Variants in PIGL observed in about 807,000 individuals in gnomAD.
PIGL encodes the protein phosphatidylinositol glycan anchor biosynthesis class L.
Under a neutral mutation model 31.1 loss-of-function variants are expected in PIGL, and 22 were observed. The ratio of observed to expected loss-of-function variants is 0.71; its 90% confidence interval spans 0.51 to 1.01. The LOEUF (loss-of-function observed/expected upper bound fraction) is 1.01. Ranked by LOEUF, PIGL falls within the 50% of genes least tolerant of loss-of-function variation. The pLI is 0.00. For missense variants in PIGL, 302 were observed against 315.9 expected, an observed-to-expected ratio of 0.96 and a Z score of 0.33; for synonymous variants, 131 against 117.4, an observed-to-expected ratio of 1.12 and a Z score of -0.75.
At chr17:16,299,775 G>A in intron 2 of PIGL, 113 bp from the exon 3 acceptor site, 1 of 753,444 alleles carries the variant, frequency 1.3e-6, no homozygotes, top group Non-Finnish European at 2.4e-6. Flanking sequence ...TTAAGGGCAG[G>A]GACCCTTACC....
At chr17:16,240,327 T>C (rs761371639) in intron 2 of PIGL, among the ~76,000 whole-genome samples, 6 of 152,048 alleles carry the variant, frequency 3.9e-5, no homozygotes, top group Non-Finnish European at 7.4e-5. Flanking sequence ...CTCTTTTCCT[T>C]ATAAATTACC....
intron 2 of PIGL, among the ~76,000 whole-genome samples, chr17:16,235,290 G>A (rs976037892): frequency 2.6e-5 from 4 of 152,052 alleles, no homozygotes; most frequent in African/African-American, 9.7e-5. Context: ...TTTCGACAAG[G>A]ACCACACATT....
At chr17:16,275,304 A>T (rs1287184017) in intron 2 of PIGL, among the ~76,000 whole-genome samples, 1 of 152,182 alleles carries the variant, frequency 6.6e-6, no homozygotes, top group African/African-American at 2.4e-5. Flanking sequence ...TAGCATGCTG[A>T]TGCATTATAA....
intron 1 of PIGL, among the ~76,000 whole-genome samples, chr17:16,231,936 TA>T (rs986608636): frequency 1.3e-5 from 2 of 152,126 alleles, no homozygotes; most frequent in African/African-American, 2.4e-5. Flanking sequence ...ATGTGTACAT[TA>T]AAAACATTAA....
chr17:16,239,842 A>G (rs1479520912), intron 2 of PIGL, among the ~76,000 whole-genome samples: 1 of 151,972 alleles, frequency 6.6e-6, no homozygotes, highest in Non-Finnish European at 1.5e-5. Context: ...CTGTTTAGGC[A>G]GTGGTGCAAT....
At chr17:16,250,251 AT>A (rs1221605909) in intron 2 of PIGL, among the ~76,000 whole-genome samples, 29 of 152,136 alleles carry the variant, frequency 1.9e-4, no homozygotes, top group African/African-American at 7.0e-4. Flanking sequence ...TGCCTGGCTG[AT>A]ACTTAAAATT....
At chr17:16,273,569 T>C (rs2014604) in intron 2 of PIGL, among the ~76,000 whole-genome samples, 80,493 of 151,834 alleles carry the variant, frequency 0.53, 21,676 homozygotes, top group Middle Eastern at 0.58. Context: ...AACCAATAGG[T>C]ATGGTCACGT....
At chr17:16,217,635 TGGGTTGGGG>T in intron 1 of PIGL, 174 bp downstream of exon 1, 1 of 530,100 alleles carries the variant, frequency 1.9e-6, no homozygotes, top group Non-Finnish European at 3.3e-6. Context: ...GCTTACCTGG[TGGGTTGGGG>T]GACGTCGGCA....
At chr17:16,308,764 C>CTAATT (rs2093036420) in intron 3 of PIGL, among the ~76,000 whole-genome samples, 1 of 145,660 alleles carries the variant, frequency 6.9e-6, no homozygotes, top group South Asian at 2.3e-4. Context: ...TACTTATACA[C>CTAATT]TAATTTAAAA....
At chr17:16,259,386 A>G (rs2092810195) in intron 2 of PIGL, among the ~76,000 whole-genome samples, 1 of 152,140 alleles carries the variant, frequency 6.6e-6, no homozygotes, top group African/African-American at 2.4e-5. Context: ...TTTTCAACAA[A>G]TGGTGATGGA....
At chr17:16,269,189 A>G (rs1420450335) in intron 2 of PIGL, among the ~76,000 whole-genome samples, 1 of 152,264 alleles carries the variant, frequency 6.6e-6, no homozygotes, top group Non-Finnish European at 1.5e-5. Flanking sequence ...GAGATTAAGT[A>G]ACTTCTCAAA....
At chr17:16,269,282 T>C (rs1178486257) in intron 2 of PIGL, among the ~76,000 whole-genome samples, 1 of 152,222 alleles carries the variant, frequency 6.6e-6, no homozygotes, top group East Asian at 1.9e-4. Context: ...ACATGGCCAG[T>C]CTCCATCCAG....
chr17:16,233,659 T>C (rs975831923), intron 1 of PIGL, among the ~76,000 whole-genome samples: 1 of 152,186 alleles, frequency 6.6e-6, no homozygotes, highest in African/African-American at 2.4e-5. Flanking sequence ...TAAATCTGCT[T>C]AACTTCAAAG....
chr17:16,281,578 T>C (rs1390235602), intron 2 of PIGL, among the ~76,000 whole-genome samples: 2 of 152,250 alleles, frequency 1.3e-5, no homozygotes, highest in Admixed American at 6.5e-5. Flanking sequence ...ATCAACCCAC[T>C]TGGAAATAAT....
chr17:16,318,668 C>T (rs553143302), intron 6 of PIGL, among the ~76,000 whole-genome samples: 2 of 151,820 alleles, frequency 1.3e-5, no homozygotes, highest in Non-Finnish European at 2.9e-5. Context: ...TGTGGTGGCT[C>T]ATGCCTGTAA....
At chr17:16,238,271 C>T (rs1226080410) in intron 2 of PIGL, among the ~76,000 whole-genome samples, 1 of 148,834 alleles carries the variant, frequency 6.7e-6, no homozygotes, top group African/African-American at 2.5e-5. Flanking sequence ...ATACTCAAAA[C>T]AGTAAATACT....
intron 2 of PIGL, among the ~76,000 whole-genome samples, chr17:16,240,012 G>C (rs1036826820): frequency 1.3e-5 from 2 of 152,166 alleles, no homozygotes; most frequent in Non-Finnish European, 2.9e-5. Flanking sequence ...ATGTGGAACT[G>C]TAATCCTAAC....
At chr17:16,256,122 C>T (rs2092792674) in intron 2 of PIGL, among the ~76,000 whole-genome samples, 1 of 152,026 alleles carries the variant, frequency 6.6e-6, no homozygotes, top group African/African-American at 2.4e-5. Flanking sequence ...TTGCAAATAC[C>T]ACAAAAATGG....
intron 2 of PIGL, among the ~76,000 whole-genome samples, chr17:16,269,276 G>C (rs577759251): frequency 1.3e-5 from 2 of 152,262 alleles, no homozygotes; most frequent in South Asian, 2.1e-4. Context: ...GGCTTTACAT[G>C]GCCAGTCTCC....
Sources: allele counts gnomAD v4.1 joint callset (sites outside exome capture counted in the v4.1 genomes callset), GRCh38; gene constraint gnomAD v4.1.1; transcripts MANE v1.5; gene names NCBI Gene and HGNC (gene_info 2026-07-23, HGNC 2026-07-21).